The following NUP50 variants were observed in gnomAD, a reference collection of about 807,000 sequenced individuals.
NUP50 encodes nucleoporin 50, also known as nuclear pore complex protein Nup50.
NUP50 carries 14 observed loss-of-function variants against 36.8 expected under a neutral mutation model. The ratio of observed to expected loss-of-function variants is 0.38; its 90% CI spans 0.25 to 0.59. The LOEUF is 0.59. Among genes scored for constraint, NUP50 ranks in the 20% least tolerant of loss-of-function variants. NUP50 has a pLI of 0.63. For synonymous variants in NUP50, 195 were observed against 210.8 expected (o/e 0.93, Z 0.65); for missense variants, 455 against 564.6 (o/e 0.81, Z 1.97).
At position 45,184,572 on chromosome 22, in the gene NUP50, C is replaced by A; in HGVS notation, c.1324C>A (p.Pro442Thr). The A allele has an allele frequency of 6.2e-7, 1 of 1,610,974 alleles. No individual in the cohort carries two copies. The change falls in exon 8 of 8, where the codon CCA becomes ACA. Residue 442 changes from proline to threonine, a missense_variant. Transcript: ENST00000347635. ...PPIDEKNATMPVTMLIRVKTS... is the reference protein window; with the variant it reads ...PPIDEKNATMTVTMLIRVKTS... ...AATTGACGAGAAGAATGCCACCATG[C>A]CAGTCACCATGTTGATTCGGGTAAA...
At chr22:45,174,598 A>G (rs568917267) in intron 3 of NUP50, among the ~76,000 whole-genome samples, 43 of 152,298 alleles carry the variant, frequency 2.8e-4, no homozygotes, top group African/African-American at 9.9e-4. Flanking sequence ...GCAATTTCTA[A>G]AATCCCTACA....
intron 1 of NUP50, 39 bp from the exon 2 acceptor site, chr22:45,168,129 C>A (rs2074123922): frequency 7.1e-7 from 1 of 1,413,324 alleles, no homozygotes; most frequent in South Asian, 1.2e-5. Context: ...AGAATTTATT[C>A]TTCTAGAAAA....
chr22:45,182,623 GTT>G (rs550478534), intron 6 of NUP50, among the ~76,000 whole-genome samples: 157 of 95,940 alleles, frequency 1.6e-3, no homozygotes, highest in South Asian at 6.5e-3. Context: ...CTTGAGGTTT[GTT>G]TTTTTTTTTT....
At chr22:45,184,432 G>A (rs1601793834) in intron 7 of NUP50, 21 bp from the exon 8 acceptor site, 1 of 1,611,228 alleles carries the variant, frequency 6.2e-7, no homozygotes, top group East Asian at 2.2e-5. Flanking sequence ...ATTTTGATGG[G>A]TTTTGTTTGT....
At position 45,184,517 on chromosome 22, in the gene NUP50, C is replaced by T. The variant is rs755534114; in HGVS notation, c.1269C>T (p.Asn423=). Residue 423 remains asparagine (N), a synonymous_variant, in exon 8 of 8, where the codon AAC becomes AAT. Coordinates refer to ENST00000347635, the MANE Select transcript of NUP50 (RefSeq NM_007172.4). The part of the protein sequence containing the change: ...NMPCTRTGKN[N]VLIVCVPNPP... ...CATGTACGCGAACAGGGAAGAATAA[C>T]GTTCTTATCGTCTGTGTTCCAAATC... 94 of 1,613,516 alleles carry T rather than the reference C, an allele frequency of 5.8e-5. No homozygotes were observed. The highest frequency in any genetic ancestry group is 1.6e-4 in the Middle Eastern group (1 of 6,076).
intron 1 of NUP50, 44 bp downstream of exon 1, chr22:45,164,340 G>C (rs1358588476): frequency 6.5e-6 from 1 of 153,140 alleles, no homozygotes; most frequent in East Asian, 1.9e-4. Context: ...GGCTGAGGGC[G>C]GGAGCCTGGT....
At chr22:45,165,963 G>T (rs2074088023) in intron 1 of NUP50, 1 of 152,178 alleles carries the variant, frequency 6.6e-6, no homozygotes, top group Non-Finnish European at 1.5e-5. Flanking sequence ...AGTATTTTTT[G>T]AAATACTTTA....
At chr22:45,173,762 G>T (rs915663662) in intron 3 of NUP50, among the ~76,000 whole-genome samples, 4 of 152,198 alleles carry the variant, frequency 2.6e-5, no homozygotes, top group Non-Finnish European at 4.4e-5. Context: ...AGTTCAAGAG[G>T]TAGAAATAGT....
At chr22:45,174,062 C>A (rs1485402562) in intron 3 of NUP50, among the ~76,000 whole-genome samples, 2 of 151,936 alleles carry the variant, frequency 1.3e-5, no homozygotes, top group Non-Finnish European at 2.9e-5. Flanking sequence ...TGGAAGAGAA[C>A]AAATACATAG....
rs1331479895 is a variant in NUP50 at position 45,184,299 on chromosome 22, C to T, written c.1205-154C>T. On this transcript the variant is annotated intron_variant, in intron 7 of 7. Coordinates refer to ENST00000347635, the MANE Select transcript of NUP50 (RefSeq NM_007172.4). Reference sequence around the variant, plus strand: ...AAGTGCTCCCCGAGGCCTCCCAGTTCTCAGGGAACCAGTCCTGATTTTGTG... The same window carrying T: ...AAGTGCTCCCCGAGGCCTCCCAGTTTTCAGGGAACCAGTCCTGATTTTGTG... 7 of 703,532 alleles carry T rather than the reference C, an allele frequency of 9.9e-6. No individual in the cohort carries two copies. In the East Asian group the frequency reaches 1.6e-4, roughly 16 times the overall value. 43.6% of individuals were successfully genotyped at this position (703,532 alleles called of 1,614,324 possible).
chr22:45,177,641 C>T (rs1569051383), intron 4 of NUP50: 1 of 152,788 alleles, frequency 6.5e-6, no homozygotes, highest in Non-Finnish European at 1.5e-5. Flanking sequence ...GCCACACCAC[C>T]CTCGACGCGC....
At chr22:45,164,837 C>T (rs2147658605) in intron 1 of NUP50, 2 of 152,960 alleles carry the variant, frequency 1.3e-5, no homozygotes, top group East Asian at 1.9e-4. Flanking sequence ...TCCTCTCCCC[C>T]TGGCCGCCCC....
intron 2 of NUP50, among the ~76,000 whole-genome samples, chr22:45,168,909 T>TA (rs2074139166): frequency 6.7e-6 from 1 of 149,726 alleles, no homozygotes; most frequent in African/African-American, 2.5e-5. Flanking sequence ...TTTTTTTTTT[T>TA]TTTTTTTTTT....
chr22:45,185,020 G>C lies in NUP50; in HGVS notation c.*365G>C, dbSNP rs2074447866. On this transcript the variant is annotated 3_prime_UTR_variant, in exon 8 of 8. Coordinates refer to ENST00000347635, the MANE Select transcript of NUP50 (RefSeq NM_007172.4). ...GTTTTGGGGTCCACCGCCACCACGAGAGAGGCTTTTGAACAGGTGCCTGGC... is the reference window on the plus strand; with the variant it reads ...GTTTTGGGGTCCACCGCCACCACGACAGAGGCTTTTGAACAGGTGCCTGGC... The C allele has an allele frequency of 6.7e-6, 2 of 297,562 alleles. No homozygotes were observed. Among genetic ancestry groups the C allele is most frequent in the South Asian group, 3.2e-5 (1 of 31,366 alleles). The allele number at this position is 297,562 out of a possible 1,614,324, so 18.4% of individuals were successfully genotyped here.
At chr22:45,179,095 G>A in intron 5 of NUP50, 195 bp downstream of exon 5, 2 of 519,236 alleles carry the variant, frequency 3.9e-6, no homozygotes. Context: ...GACTTTTGTA[G>A]GGTTGTTTAT....
At chr22:45,171,209 A>AT (rs2074188431) in intron 2 of NUP50, 1 of 1,123,170 alleles carries the variant, frequency 8.9e-7, no homozygotes, top group South Asian at 1.9e-5. Context: ...TTATTTATTT[A>AT]TTTTTTTGAG....
At chr22:45,169,371 AAAAC>A (rs1207626769) in intron 2 of NUP50, among the ~76,000 whole-genome samples, 1 of 152,198 alleles carries the variant, frequency 6.6e-6, no homozygotes, top group Non-Finnish European at 1.5e-5. Context: ...CCCTGTCTAA[AAAAC>A]AAAGAATAAA....
chr22:45,184,235 C>T, intron 7 of NUP50: 1 of 567,692 alleles, frequency 1.8e-6, no homozygotes, highest in African/African-American at 1.9e-5. Flanking sequence ...GAGACCCGGG[C>T]TGGAGGGAGG....
At chr22:45,181,229 T>C (rs226523) in intron 5 of NUP50, 57 bp from the exon 6 acceptor site, 223,436 of 1,219,624 alleles carry the variant, frequency 0.18, 23,063 homozygotes, top group East Asian at 0.58. Context: ...AAAACTTCAG[T>C]CACTTCTTTA....
Sources: allele counts gnomAD v4.1 joint callset (sites outside exome capture counted in the v4.1 genomes callset), GRCh38; gene constraint gnomAD v4.1.1; transcripts MANE v1.5; gene names NCBI Gene and HGNC (gene_info 2026-07-23, HGNC 2026-07-21).